The following TASP1 variants were observed in gnomAD, a reference collection of about 807,000 sequenced individuals.
The protein encoded by TASP1 is threonine aspartase 1.
In TASP1, 16 loss-of-function variants were observed where a neutral mutation model predicts 56.6. The observed-to-expected ratio is 0.28, with a 90% CI of 0.19 to 0.43. The LOEUF is 0.43. Among genes scored for constraint, TASP1 ranks in the 20% least tolerant of loss-of-function variants. TASP1 has a pLI of 1.00. For missense variants in TASP1, 393 were observed against 511.6 expected (o/e 0.77, Z 2.24); for synonymous variants, 179 against 184.2 (o/e 0.97, Z 0.23).
At chr20:13,319,682 G>A in the TASP1 span, among the ~76,000 whole-genome samples, 1 of 152,194 alleles carries the variant, frequency 6.6e-6, no homozygotes. Flanking sequence ...AGAAACATGG[G>A]TTAAGTTTTG....
At chr20:13,214,955 T>C in the TASP1 span, among the ~76,000 whole-genome samples, 1 of 152,134 alleles carries the variant, frequency 6.6e-6, no homozygotes, top group Non-Finnish European at 1.5e-5. Context: ...GCAAATCAAA[T>C]GTATGGTGAG....
chr20:13,291,679 G>A, the TASP1 span, among the ~76,000 whole-genome samples: 1 of 152,190 alleles, frequency 6.6e-6, no homozygotes, highest in Non-Finnish European at 1.5e-5. Context: ...AGCAAATTAT[G>A]AGAAGCCCAA....
At chr20:13,444,645 A>C (rs1196012853) in intron 11 of TASP1, among the ~76,000 whole-genome samples, 1 of 152,202 alleles carries the variant, frequency 6.6e-6, no homozygotes, top group African/African-American at 2.4e-5. Context: ...AGTCTACAAG[A>C]TTGTCTCCAT....
At chr20:13,136,252 T>A in the TASP1 span, among the ~76,000 whole-genome samples, 1 of 152,150 alleles carries the variant, frequency 6.6e-6, no homozygotes, top group Non-Finnish European at 1.5e-5. Flanking sequence ...TAAGATGGAA[T>A]AATGACTTGT....
chr20:13,309,157 T>A, the TASP1 span, among the ~76,000 whole-genome samples: 16 of 152,172 alleles, frequency 1.1e-4, no homozygotes, highest in South Asian at 2.9e-3. Flanking sequence ...GACACCAACA[T>A]ACATAATAAA....
chr20:13,327,401 A>G, the TASP1 span, among the ~76,000 whole-genome samples: 7 of 152,204 alleles, frequency 4.6e-5, no homozygotes, highest in Non-Finnish European at 5.9e-5. Flanking sequence ...TTGTAGATTC[A>G]GTGCTATCCC....
chr20:13,229,149 T>G, the TASP1 span, among the ~76,000 whole-genome samples: 1 of 109,446 alleles, frequency 9.1e-6, no homozygotes, highest in Non-Finnish European at 2.0e-5. Context: ...TCTCTCTCTC[T>G]CTTTCTGCAT....
chr20:13,316,109 G>A, the TASP1 span, among the ~76,000 whole-genome samples: 1 of 151,840 alleles, frequency 6.6e-6, no homozygotes, highest in Admixed American at 6.6e-5. Context: ...TGAAAGAGTG[G>A]ATATCACTAC....
intron 13 of TASP1, among the ~76,000 whole-genome samples, chr20:13,411,411 A>C (rs2042090135): frequency 6.6e-6 from 1 of 152,212 alleles, no homozygotes; most frequent in Non-Finnish European, 1.5e-5. Context: ...CTTCTGATCC[A>C]TGAGCATGGG....
chr20:13,619,119 C>T (rs959582440), intron 4 of TASP1, among the ~76,000 whole-genome samples: 54 of 152,122 alleles, frequency 3.5e-4, no homozygotes, highest in Admixed American at 3.1e-3. Context: ...ATGATCCATC[C>T]GCTTCGGCCT....
chr20:13,213,009 A>G, the TASP1 span, among the ~76,000 whole-genome samples: 11 of 152,184 alleles, frequency 7.2e-5, no homozygotes, highest in Admixed American at 5.9e-4. Flanking sequence ...TCGCAAAGCT[A>G]TTTTAAGTGG....
intron 10 of TASP1, among the ~76,000 whole-genome samples, chr20:13,526,336 T>C (rs2044976712): frequency 1.3e-5 from 2 of 152,166 alleles, no homozygotes; most frequent in African/African-American, 4.8e-5. Context: ...AAAACTCTTA[T>C]AATACATGAT....
At chr20:13,448,454 A>T (rs536067108) in intron 11 of TASP1, among the ~76,000 whole-genome samples, 1 of 152,056 alleles carries the variant, frequency 6.6e-6, no homozygotes, top group African/African-American at 2.4e-5. Context: ...CTTTAATTAG[A>T]ATTTTCATAT....
At chr20:13,368,297 C>T in the TASP1 span, 8 of 152,214 alleles carry the variant, frequency 5.3e-5, no homozygotes, top group East Asian at 7.7e-4. Flanking sequence ...TCAGTTTCTT[C>T]CTTTATTCAT....
chr20:13,575,628 T>C (rs2046877640), intron 6 of TASP1, among the ~76,000 whole-genome samples: 1 of 152,170 alleles, frequency 6.6e-6, no homozygotes, highest in African/African-American at 2.4e-5. Flanking sequence ...TATTAGTTCA[T>C]AGCAGTATAA....
At chr20:13,372,348 G>A in the TASP1 span, among the ~76,000 whole-genome samples, 2 of 152,082 alleles carry the variant, frequency 1.3e-5, no homozygotes, top group East Asian at 1.9e-4. Flanking sequence ...TGGCACTATC[G>A]GCTTTCCTGG....
chr20:13,373,195 G>C, the TASP1 span, among the ~76,000 whole-genome samples: 3 of 151,684 alleles, frequency 2.0e-5, no homozygotes, highest in Admixed American at 6.6e-5. Context: ...TCCTTTAAGT[G>C]GTTGTTGTCA....
At chr20:13,210,589 G>A in the TASP1 span, among the ~76,000 whole-genome samples, 1 of 150,710 alleles carries the variant, frequency 6.6e-6, no homozygotes, top group African/African-American at 2.5e-5. Context: ...GCAGATAAAT[G>A]GGTTGTTGTG....
the TASP1 span, among the ~76,000 whole-genome samples, chr20:13,210,244 C>T: frequency 6.6e-6 from 1 of 152,030 alleles, no homozygotes; most frequent in Non-Finnish European, 1.5e-5. Flanking sequence ...TTTGTTTATC[C>T]ATTCTAAAAT....
Sources: allele counts gnomAD v4.1 joint callset (sites outside exome capture counted in the v4.1 genomes callset), GRCh38; gene constraint gnomAD v4.1.1; transcripts MANE v1.5; gene names NCBI Gene and HGNC (gene_info 2026-07-23, HGNC 2026-07-21).